SUGCT: variants seen among roughly 807,000 people sequenced by gnomAD.
SUGCT encodes succinyl-CoA:glutarate CoA-transferase.
In SUGCT, 41 loss-of-function variants were observed where a neutral mutation model predicts 55.0. The observed-to-expected ratio is 0.74, with a 90% confidence interval of 0.58 to 0.97. SUGCT has a LOEUF of 0.97. Ranked by LOEUF, SUGCT falls within the 50% of genes least tolerant of loss-of-function variation. SUGCT has a pLI of 0.00. For synonymous variants in SUGCT, 187 were observed against 200.4 expected, an observed-to-expected ratio of 0.93 and a Z score of 0.56; for missense variants, 568 against 547.8, an observed-to-expected ratio of 1.04 and a Z score of -0.37.
chr7:40,661,847 A>G (rs1054203109), intron 12 of SUGCT, among the ~76,000 whole-genome samples: 2 of 152,088 alleles, frequency 1.3e-5, no homozygotes, highest in African/African-American at 2.4e-5. Context: ...CATGTTTTAC[A>G]TGTTAGTGCT....
chr7:40,597,555 C>A (rs1308620576), intron 12 of SUGCT, among the ~76,000 whole-genome samples: 3 of 152,042 alleles, frequency 2.0e-5, no homozygotes, highest in African/African-American at 7.2e-5. Flanking sequence ...CACTTTCTGG[C>A]TTTCTTATAG....
chr7:40,898,431 T>G, the SUGCT span, among the ~76,000 whole-genome samples: 1 of 119,234 alleles, frequency 8.4e-6, no homozygotes, highest in Non-Finnish European at 1.6e-5. Flanking sequence ...ACTGTAACAC[T>G]CGGCAGGGCA....
intron 12 of SUGCT, among the ~76,000 whole-genome samples, chr7:40,619,005 C>T (rs1006106070): frequency 2.6e-5 from 4 of 152,124 alleles, no homozygotes; most frequent in Non-Finnish European, 5.9e-5. Flanking sequence ...GAAAACCCAC[C>T]GTCTTTGAGT....
rs1411685243 is a variant in SUGCT at position 40,440,133 on chromosome 7, C to CTG, written c.817-9142_817-9141dup. On this transcript the variant is annotated intron_variant, in intron 9 of 13. Coordinates refer to ENST00000335693, the MANE Select transcript of SUGCT (RefSeq NM_001193313.2). ...TAAGCAAATGAGTCAAGTTTTTTGTCTGTGTGTGTGTGTTTTTTTTTTTTT... is the reference window on the plus strand; with the variant it reads ...TAAGCAAATGAGTCAAGTTTTTTGTCTGTGTGTGTGTGTGTTTTTTTTTTTTT... Among the ~76,000 whole-genome samples, 281 of 91,516 alleles carry CTG rather than the reference C, an allele frequency of 3.1e-3. 3 individuals are homozygous for CTG. The highest frequency in any genetic ancestry group is 0.012 in the East Asian group (28 of 2,424). 60.0% of individuals were successfully genotyped at this position (91,516 alleles called of 152,430 possible). A position where few individuals can be genotyped will look rare whatever the true frequency, so the allele number is the denominator to read the frequency against.
chr7:40,818,355 C>A (rs2128764169), intron 13 of SUGCT, among the ~76,000 whole-genome samples: 1 of 152,308 alleles, frequency 6.6e-6, no homozygotes, highest in Non-Finnish European at 1.5e-5. Flanking sequence ...TAGAGAGGGA[C>A]CTCATAGTCC....
intron 7 of SUGCT, among the ~76,000 whole-genome samples, chr7:40,263,911 T>G (rs1791388592): frequency 6.6e-6 from 1 of 152,156 alleles, no homozygotes; most frequent in African/African-American, 2.4e-5. Flanking sequence ...TCATTTTTTT[T>G]TTCTTCTGGT....
At chr7:40,173,273 A>G (rs148398477) in intron 1 of SUGCT, among the ~76,000 whole-genome samples, 13 of 152,350 alleles carry the variant, frequency 8.5e-5, no homozygotes, top group East Asian at 1.9e-4. Context: ...CTGTAGCCCA[A>G]TTGAGAGCAG....
chr7:40,157,722 G>T (rs560808449), intron 1 of SUGCT, among the ~76,000 whole-genome samples: 1 of 152,208 alleles, frequency 6.6e-6, no homozygotes, highest in Admixed American at 6.5e-5. Context: ...TCATGTTAAA[G>T]GCTACTAATA....
At chr7:40,187,490 G>T (rs186585127) in intron 3 of SUGCT, among the ~76,000 whole-genome samples, 46 of 152,170 alleles carry the variant, frequency 3.0e-4, no homozygotes, top group Admixed American at 3.0e-3. Flanking sequence ...CCAAGCTGCA[G>T]GTTTTTCCAG....
intron 12 of SUGCT, among the ~76,000 whole-genome samples, chr7:40,508,444 G>A (rs577889295): frequency 1.3e-5 from 2 of 152,314 alleles, no homozygotes; most frequent in Admixed American, 6.5e-5. Flanking sequence ...TCCTCATGGG[G>A]TAAAGCCATA....
chr7:40,309,668 C>A (rs1795036350), intron 8 of SUGCT, among the ~76,000 whole-genome samples: 1 of 151,994 alleles, frequency 6.6e-6, no homozygotes, highest in Admixed American at 6.6e-5. Flanking sequence ...TTGCTCTTTA[C>A]CCTAAAACTC....
intron 12 of SUGCT, among the ~76,000 whole-genome samples, chr7:40,527,800 CA>C (rs1173959958): frequency 6.6e-6 from 1 of 152,078 alleles, no homozygotes; most frequent in Admixed American, 6.5e-5. Context: ...ATGAAAGACC[CA>C]ATGATCAGGT....
intron 12 of SUGCT, among the ~76,000 whole-genome samples, chr7:40,650,328 G>T (rs77761113): frequency 1.4e-4 from 21 of 152,190 alleles, no homozygotes; most frequent in African/African-American, 4.8e-4. Context: ...TGCTCAAAGG[G>T]GGGGATTACA....
the SUGCT span, among the ~76,000 whole-genome samples, chr7:41,032,788 G>T: frequency 1.1e-4 from 17 of 152,214 alleles, 1 homozygote; most frequent in South Asian, 6.2e-4. Context: ...GTTTTGAGAC[G>T]GAGTCTCACT....
intron 12 of SUGCT, among the ~76,000 whole-genome samples, chr7:40,685,906 T>C (rs1003988804): frequency 1.3e-5 from 2 of 152,168 alleles, no homozygotes; most frequent in Admixed American, 1.3e-4. Context: ...GGAAGTTTTC[T>C]TATATTAATT....
intron 12 of SUGCT, among the ~76,000 whole-genome samples, chr7:40,702,087 G>T (rs901169428): frequency 2.0e-5 from 3 of 152,206 alleles, no homozygotes; most frequent in Non-Finnish European, 4.4e-5. Context: ...CCCCGCCAAA[G>T]ATTACCTTCC....
intron 9 of SUGCT, among the ~76,000 whole-genome samples, chr7:40,324,478 A>G (rs1795926764): frequency 6.6e-6 from 1 of 150,644 alleles, no homozygotes; most frequent in South Asian, 2.1e-4. Flanking sequence ...CTGGTCTTGA[A>G]CTCCCAACCT....
chr7:40,342,281 T>A (rs1584728370), intron 9 of SUGCT, among the ~76,000 whole-genome samples: 1 of 152,212 alleles, frequency 6.6e-6, no homozygotes, highest in African/African-American at 2.4e-5. Flanking sequence ...AAAGGGGACT[T>A]GAGAGATTAC....
At chr7:40,726,992 CTATG>C (rs1562966444) in intron 12 of SUGCT, among the ~76,000 whole-genome samples, 1 of 152,216 alleles carries the variant, frequency 6.6e-6, no homozygotes, top group Non-Finnish European at 1.5e-5. Context: ...GCTAAAATGA[CTATG>C]TATATTGTGT....
Sources: allele counts gnomAD v4.1 joint callset (sites outside exome capture counted in the v4.1 genomes callset), GRCh38; gene constraint gnomAD v4.1.1; transcripts MANE v1.5; gene names NCBI Gene and HGNC (gene_info 2026-07-23, HGNC 2026-07-21).